REC114: variants seen among roughly 807,000 people sequenced by gnomAD.
REC114 encodes meiotic recombination protein REC114.
In REC114, 27 loss-of-function variants were observed where a neutral mutation model predicts 31.3. The ratio of observed to expected loss-of-function variants is 0.86; its 90% CI spans 0.64 to 1.19. The LOEUF (loss-of-function observed/expected upper bound fraction) is 1.19. REC114 is among the 50% of genes most tolerant of loss of function. The pLI, the probability that REC114 is intolerant of heterozygous loss-of-function variation, is 0.00. For synonymous variants in REC114, 134 were observed against 127.7 expected, an observed-to-expected ratio of 1.05 and a Z score of -0.33; for missense variants, 344 against 326.9, an observed-to-expected ratio of 1.05 and a Z score of -0.40.
intron 2 of REC114, among the ~76,000 whole-genome samples, chr15:73,516,781 C>G (rs953757498): frequency 6.6e-6 from 1 of 152,196 alleles, no homozygotes; most frequent in Non-Finnish European, 1.5e-5. Flanking sequence ...GCTCCTGCCA[C>G]CATGCCAGGC....
intron 2 of REC114, among the ~76,000 whole-genome samples, chr15:73,497,695 T>G (rs1893548516): frequency 1.3e-5 from 2 of 152,252 alleles, no homozygotes; most frequent in South Asian, 4.1e-4. Context: ...GTCATTATTT[T>G]ATTGCTAAAT....
At chr15:73,536,171 C>T (rs1894154530) in intron 2 of REC114, among the ~76,000 whole-genome samples, 2 of 152,142 alleles carry the variant, frequency 1.3e-5, no homozygotes, top group Admixed American at 1.3e-4. Flanking sequence ...ACAAAATTGA[C>T]AAATGGGATC....
chr15:73,485,517 G>GT (rs1893353388), intron 2 of REC114, among the ~76,000 whole-genome samples: 2 of 152,194 alleles, frequency 1.3e-5, no homozygotes, highest in African/African-American at 4.8e-5. Flanking sequence ...GATCATGGGG[G>GT]TGGTATCTCA....
chr15:73,551,920 G>T (rs949378821), intron 4 of REC114, among the ~76,000 whole-genome samples: 2 of 152,112 alleles, frequency 1.3e-5, no homozygotes, highest in African/African-American at 4.8e-5. Context: ...TCCCAACCCG[G>T]AAGACTTTTC....
intron 2 of REC114, among the ~76,000 whole-genome samples, chr15:73,494,730 C>G (rs1893495072): frequency 6.6e-6 from 1 of 152,058 alleles, no homozygotes; most frequent in South Asian, 2.1e-4. Context: ...AAATATACAT[C>G]AAGAACATTT....
intron 2 of REC114, among the ~76,000 whole-genome samples, chr15:73,498,585 C>A (rs552395170): frequency 1.0e-3 from 153 of 152,192 alleles, no homozygotes; most frequent in African/African-American, 3.7e-3. Flanking sequence ...ATTTGAACTT[C>A]AAATATCCAG....
chr15:73,539,042 C>T (rs966829819), intron 2 of REC114, among the ~76,000 whole-genome samples: 1 of 151,942 alleles, frequency 6.6e-6, no homozygotes, highest in African/African-American at 2.4e-5. Context: ...TGCCAAATTG[C>T]CCTCCGTAAG....
chr15:73,542,380 C>T (rs911761014), intron 3 of REC114, among the ~76,000 whole-genome samples: 4 of 151,680 alleles, frequency 2.6e-5, no homozygotes, highest in African/African-American at 9.7e-5. Flanking sequence ...AGAGACAGGC[C>T]CTTGCTAGCA....
Position 73,488,040 on chromosome 15 carries a change from G to A in REC114, c.249+14119G>A, listed in dbSNP as rs548723584. Among the ~76,000 whole-genome samples, 9 of 152,256 alleles carry A rather than the reference G, an allele frequency of 5.9e-5. No homozygotes were observed. In the East Asian group the frequency reaches 1.7e-3, roughly 29 times the overall value. The stretch of plus-strand genomic sequence containing the variant: ...TGGAGTGGTGGCCAGAGCTGAACTT[G>A]GGCCCACCTTAGTCACAGCTGGGGT... On this transcript the variant is annotated intron_variant, in intron 2 of 5. Transcript: ENST00000331090.
At chr15:73,496,092 G>A (rs370664336) in intron 2 of REC114, among the ~76,000 whole-genome samples, 1 of 151,866 alleles carries the variant, frequency 6.6e-6, no homozygotes, top group Admixed American at 6.6e-5. Flanking sequence ...GGTGGCTCAC[G>A]GCTGTAATCC....
chr15:73,544,438 A>AT (rs1227722780), intron 3 of REC114, among the ~76,000 whole-genome samples: 2 of 152,218 alleles, frequency 1.3e-5, no homozygotes, highest in African/African-American at 4.8e-5. Context: ...TTTAATATAA[A>AT]TTCTATGAGT....
chr15:73,556,757 CAA>C (rs1434612208), intron 5 of REC114, among the ~76,000 whole-genome samples: 1 of 151,960 alleles, frequency 6.6e-6, no homozygotes, highest in African/African-American at 2.4e-5. Flanking sequence ...TATTTTAAGA[CAA>C]ATATCAAAAT....
chr15:73,556,214 C>A, intron 4 of REC114, 88 bp from the exon 5 acceptor site: 1 of 1,099,526 alleles, frequency 9.1e-7, no homozygotes, highest in Non-Finnish European at 1.3e-6. Flanking sequence ...TTTCTTTGAA[C>A]ATGAATGCAT....
chr15:73,457,038 G>T (rs1892924105), intron 1 of REC114, among the ~76,000 whole-genome samples: 1 of 134,032 alleles, frequency 7.5e-6, no homozygotes, highest in African/African-American at 2.8e-5. Context: ...TGGGTACAGG[G>T]TATCTTTGTA....
In REC114 at chr15:73,559,998, A is replaced by AAGAGT; in HGVS notation, c.*84_*88dup. On this transcript the variant is annotated 3_prime_UTR_variant, in exon 6 of 6. Transcript: ENST00000331090. ...TAAAATTAAAGAAGATATTAGAATA[A>AAGAGT]AGAGTATTATCCAAACACCTTTTAT... 1.4e-5 allele frequency: 18 copies of AAGAGT among 1,328,018 alleles called. No homozygotes were observed. The highest frequency in any genetic ancestry group is 1.9e-5 in the Non-Finnish European group (18 of 972,552). The allele number at this position is 1,328,018 out of a possible 1,614,324, so 82.3% of individuals were successfully genotyped here.
intron 1 of REC114, among the ~76,000 whole-genome samples, chr15:73,450,054 A>C (rs771126696): frequency 2.8e-4 from 42 of 152,244 alleles, no homozygotes; most frequent in Admixed American, 5.2e-4. Flanking sequence ...TGTAAAGACC[A>C]TCGATGCTAT....
chr15:73,532,434 A>G (rs1174050076), intron 2 of REC114, among the ~76,000 whole-genome samples: 2 of 151,238 alleles, frequency 1.3e-5, no homozygotes, highest in Non-Finnish European at 2.9e-5. Flanking sequence ...GAATAGTGCC[A>G]CAGTAAACAT....
At chr15:73,503,989 C>T (rs1042565672) in intron 2 of REC114, among the ~76,000 whole-genome samples, 1 of 146,966 alleles carries the variant, frequency 6.8e-6, no homozygotes, top group East Asian at 2.0e-4. Context: ...AGAAATTCTC[C>T]CATAGGAATT....
At chr15:73,485,186 C>T (rs751406218) in intron 2 of REC114, among the ~76,000 whole-genome samples, 50 of 152,146 alleles carry the variant, frequency 3.3e-4, no homozygotes, top group South Asian at 2.1e-4. Flanking sequence ...CAGGTTCAAG[C>T]GATTCTCCTG....
Sources: gnomAD v4.1 joint callset for allele counts (sites outside exome capture counted in the v4.1 genomes callset) on GRCh38, gnomAD v4.1.1 for gene constraint, MANE v1.5 for transcripts, NCBI Gene and HGNC (gene_info 2026-07-23, HGNC 2026-07-21) for gene names.